ROR1: variants seen among roughly 807,000 people sequenced by gnomAD.
The protein encoded by ROR1 is ROR family WNT receptor 1, also known as inactive tyrosine-protein kinase transmembrane receptor ROR1.
In ROR1, 19 loss-of-function variants were observed where a neutral mutation model predicts 78.8. The observed-to-expected ratio is 0.24, with a 90% CI of 0.17 to 0.35. The LOEUF (loss-of-function observed/expected upper bound fraction) is 0.35. Among genes scored for constraint, ROR1 ranks in the 10% least tolerant of loss-of-function variants. The pLI, the probability that ROR1 is intolerant of heterozygous loss-of-function variation, is 1.00. For missense variants in ROR1, 917 were observed against 1,177.8 expected (o/e 0.78, Z 3.24); for synonymous variants, 386 against 433.6 (o/e 0.89, Z 1.36).
chr1:63,896,036 C>G (rs1019707669), intron 1 of ROR1, among the ~76,000 whole-genome samples: 10 of 152,022 alleles, frequency 6.6e-5, no homozygotes, highest in Admixed American at 5.9e-4. Flanking sequence ...CTAAGATGAA[C>G]GCTTCCACCT....
At chr1:64,063,667 A>G (rs964560513) in intron 4 of ROR1, among the ~76,000 whole-genome samples, 10 of 151,864 alleles carry the variant, frequency 6.6e-5, no homozygotes, top group Non-Finnish European at 2.9e-5. Flanking sequence ...AAACACACTC[A>G]TTCACACAGT....
chr1:64,142,527 C>T lies in ROR1; in HGVS notation c.1051C>T (p.Arg351Cys), dbSNP rs867500485. ...CCACACACACACTTTCACCGCCCTT[C>T]GTTTCCCAGAGCTGAATGGAGGCCA... The part of the protein sequence containing the change: ...YPHTHTFTAL[R>C]FPELNGGHSY... Residue 351 changes from arginine (R) to cysteine (C), a missense_variant, in exon 7 of 9, where the codon CGT becomes TGT. Arg to Cys is a radical substitution (Grantham distance 180, BLOSUM62 -3). Transcript: ENST00000371079. The T allele has an allele frequency of 4.3e-6, 7 of 1,614,082 alleles. No homozygotes were observed. The highest frequency in any genetic ancestry group is 1.6e-4 in the Middle Eastern group (1 of 6,084).
intron 1 of ROR1, among the ~76,000 whole-genome samples, chr1:63,991,185 A>G (rs1024868673): frequency 6.6e-6 from 1 of 152,202 alleles, no homozygotes; most frequent in African/African-American, 2.4e-5. Context: ...TCCTGGCCCC[A>G]AAAGATCCTT....
chr1:64,137,080 T>C (rs1461558427), intron 4 of ROR1, among the ~76,000 whole-genome samples: 3 of 152,180 alleles, frequency 2.0e-5, no homozygotes, highest in Non-Finnish European at 1.5e-5. Context: ...CTCCTATAAC[T>C]ACATCATCTT....
rs1645605209 is a variant in ROR1, at chr1:63,915,857, G to A, written c.92-93448G>A. On this transcript the variant is annotated intron_variant, in intron 1 of 8. Coordinates refer to ENST00000371079, the MANE Select transcript of ROR1 (RefSeq NM_005012.4). ...ATATACTAAATATCTTGTAATGGAT[G>A]CATCAGTCCTACCCAGGGAATAATT... Among the ~76,000 whole-genome samples the A allele has an allele frequency of 5.3e-5, 8 of 152,172 alleles. No homozygotes were observed. In the South Asian group the frequency reaches 1.5e-3, roughly 28 times the overall value.
intron 1 of ROR1, among the ~76,000 whole-genome samples, chr1:63,906,219 A>T (rs554044179): frequency 6.6e-6 from 1 of 152,082 alleles, no homozygotes; most frequent in African/African-American, 2.4e-5. Context: ...TGTTCTACAC[A>T]CCCTCAGCCT....
intron 1 of ROR1, among the ~76,000 whole-genome samples, chr1:63,793,056 A>C (rs986268455): frequency 1.3e-5 from 2 of 151,956 alleles, no homozygotes; most frequent in Admixed American, 6.6e-5. Context: ...TTAGCTACCC[A>C]AAAAAGTAAG....
Position 64,142,494 on chromosome 1 carries a change from C to G in ROR1, c.1018C>G (p.Gln340Glu). The G allele has an allele frequency of 6.2e-7, 1 of 1,614,170 alleles. No individual in the cohort carries two copies. The highest frequency in any genetic ancestry group is 1.1e-5 in the South Asian group (1 of 91,074). Reference protein sequence around the residue: ...SGRQCQPWNSQYPHTHTFTAL... With the variant: ...SGRQCQPWNSEYPHTHTFTAL... The stretch of plus-strand genomic sequence containing the variant: ...GCGCCAGTGCCAGCCATGGAATTCC[C>G]AGTATCCCCACACACACACTTTCAC... Residue 340 changes from glutamine (Q) to glutamate (E), a missense_variant, in exon 7 of 9, where the codon CAG becomes GAG. Gln to Glu is a conservative substitution (Grantham distance 29). Transcript: ENST00000371079.
intron 1 of ROR1, among the ~76,000 whole-genome samples, chr1:63,904,615 G>C (rs772008825): frequency 2.0e-5 from 3 of 152,198 alleles, no homozygotes; most frequent in Admixed American, 6.5e-5. Flanking sequence ...TAACTCCTTA[G>C]GAAGAGACTA....
intron 2 of ROR1, among the ~76,000 whole-genome samples, chr1:64,022,008 G>T (rs1646568848): frequency 1.3e-5 from 2 of 152,120 alleles, no homozygotes; most frequent in African/African-American, 4.8e-5. Context: ...TCCATCAGTG[G>T]GATGACTGGT....
intron 1 of ROR1, among the ~76,000 whole-genome samples, chr1:63,961,835 A>G (rs1454994061): frequency 1.3e-5 from 2 of 152,232 alleles, no homozygotes; most frequent in Non-Finnish European, 2.9e-5. Flanking sequence ...TAACTAGAAG[A>G]GAGAAACTGA....
intron 2 of ROR1, among the ~76,000 whole-genome samples, chr1:64,034,653 T>C (rs190868839): frequency 2.0e-5 from 3 of 152,286 alleles, no homozygotes; most frequent in African/African-American, 7.2e-5. Context: ...GTGGCTAATA[T>C]CAGGTAACTA....
At chr1:64,052,113 GA>G (rs1280893063) in intron 4 of ROR1, among the ~76,000 whole-genome samples, 1 of 151,246 alleles carries the variant, frequency 6.6e-6, no homozygotes, top group Non-Finnish European at 1.5e-5. Flanking sequence ...TGCCCAGGTA[GA>G]AAATGCTGAT....
intron 7 of ROR1, 135 bp from the exon 8 acceptor site, chr1:64,158,846 G>T: frequency 1.5e-6 from 1 of 652,512 alleles, no homozygotes. Flanking sequence ...ATAAGCAGTG[G>T]ATTCCTTTCT....
intron 1 of ROR1, among the ~76,000 whole-genome samples, chr1:63,817,903 C>T (rs530535263): frequency 6.6e-6 from 1 of 152,280 alleles, no homozygotes; most frequent in East Asian, 1.9e-4. Flanking sequence ...GAGAAGCCCA[C>T]CTCTGAAGCC....
intron 1 of ROR1, among the ~76,000 whole-genome samples, chr1:63,796,602 C>A (rs1477944325): frequency 6.6e-6 from 1 of 152,148 alleles, no homozygotes; most frequent in African/African-American, 2.4e-5. Flanking sequence ...ATGGGTGTAT[C>A]ATCTCTTACC....
intron 1 of ROR1, among the ~76,000 whole-genome samples, chr1:63,865,799 G>A (rs1645212105): frequency 6.6e-6 from 1 of 152,186 alleles, no homozygotes; most frequent in Non-Finnish European, 1.5e-5. Context: ...GCTTGTGACT[G>A]AATCAGAGGT....
Position 64,178,392 on chromosome 1 carries a change from C to A in ROR1, c.2351C>A (p.Pro784His), listed in dbSNP as rs763697690. 2.5e-6 allele frequency: 4 copies of A among 1,614,182 alleles called. No individual in the cohort carries two copies. The highest frequency in any genetic ancestry group is 2.2e-5 in the East Asian group (1 of 44,880). ...SASPVSNLSNPRYPNYMFPSQ... is the reference protein window; with the variant it reads ...SASPVSNLSNHRYPNYMFPSQ... ...AGCCCAGTGAGTAATCTCAGTAACC[C>A]CAGATATCCTAATTACATGTTCCCG... Residue 784 changes from proline (P) to histidine (H), a missense_variant, in exon 9 of 9, where the codon CCC (proline) becomes CAC (histidine). Around this residue, in one of 3 missense-constraint regions of ROR1, gnomAD observed 835 missense variants for 1,069.8 expected, o/e 0.78. Transcript: ENST00000371079. The surrounding 1 kb of genome is among the most constrained non-coding windows in gnomAD (Gnocchi z 4.3).
At position 63,797,857 on chromosome 1, in the gene ROR1, C is replaced by CTT. The variant is rs57125292; in HGVS notation, c.91+23363_91+23364dup. On this transcript the variant is annotated intron_variant, in intron 1 of 8. Transcript: ENST00000371079. The stretch of plus-strand genomic sequence containing the variant: ...AAAGCAGGACTGATTGTAGTCTTGT[C>CTT]TTTTTTTTTTTTTTTCCATGTTCTC... Among the ~76,000 whole-genome samples, 278 of 140,012 alleles carry CTT rather than the reference C, an allele frequency of 2.0e-3. 1 individual carries two copies. The highest frequency in any genetic ancestry group is 4.6e-3 in the South Asian group (20 of 4,384). The allele number at this position is 140,012 out of a possible 152,430, so 91.9% of individuals were successfully genotyped here.
Sources: gnomAD v4.1 joint callset for allele counts (sites outside exome capture counted in the v4.1 genomes callset) on GRCh38, gnomAD v4.1.1 for gene constraint, gnomAD v4.1.1 regional missense constraint, Gnocchi (gnomAD v3.1) non-coding constraint, MANE v1.5 for transcripts, NCBI Gene and HGNC (gene_info 2026-07-23, HGNC 2026-07-21) for gene names.